Variants in USP25 observed in about 807,000 individuals in gnomAD.
USP25 encodes the protein ubiquitin specific peptidase 25.
In USP25, 85 loss-of-function variants were observed where a neutral mutation model predicts 158.5. The observed-to-expected ratio is 0.54, with a 90% confidence interval of 0.45 to 0.64. The LOEUF (loss-of-function observed/expected upper bound fraction) is 0.64, where lower values mean the gene tolerates loss of function less well. USP25 is among the 30% of genes least tolerant of loss of function. USP25 has a pLI of 0.00. For synonymous variants in USP25, 464 were observed against 460.4 expected (o/e 1.01, Z -0.10); for missense variants, 1,242 against 1,327.3 (o/e 0.94, Z 1.00).
chr21:15,864,102 T>C (rs956019757), intron 20 of USP25, among the ~76,000 whole-genome samples, 166 bp from the exon 21 acceptor site: 1 of 145,716 alleles, frequency 6.9e-6, no homozygotes, highest in African/African-American at 2.5e-5. Flanking sequence ...CTTGAGTCTA[T>C]GGAACATGGG....
intron 17 of USP25, among the ~76,000 whole-genome samples, chr21:15,834,149 A>C (rs553055798): frequency 2.0e-5 from 3 of 152,330 alleles, no homozygotes; most frequent in Admixed American, 1.3e-4. Flanking sequence ...TAAACATATA[A>C]ATATTTAAAA....
chr21:15,842,974 T>G (rs1373197484), intron 18 of USP25, among the ~76,000 whole-genome samples: 4 of 152,118 alleles, frequency 2.6e-5, no homozygotes, highest in African/African-American at 7.2e-5. Flanking sequence ...TACTGTAGAT[T>G]AGAGTATTAT....
chr21:15,782,082 A>G (rs76592107), intron 4 of USP25, among the ~76,000 whole-genome samples: 1 of 152,190 alleles, frequency 6.6e-6, no homozygotes, highest in African/African-American at 2.4e-5. Context: ...TCAAAGGCAC[A>G]ACTGGGGCCC....
intron 5 of USP25, 103 bp from the exon 6 acceptor site, chr21:15,799,654 A>G: frequency 1.6e-6 from 1 of 638,180 alleles, no homozygotes; most frequent in South Asian, 2.8e-5. Context: ...TCTGAGTATA[A>G]GTAGTACACA....
chr21:15,736,313 G>T (rs1443650800), intron 1 of USP25, among the ~76,000 whole-genome samples: 1 of 152,076 alleles, frequency 6.6e-6, no homozygotes, highest in South Asian at 2.1e-4. Context: ...GGCCAGGCTG[G>T]TCTTAAACTC....
At chr21:15,840,427 C>T (rs1223634851) in intron 17 of USP25, among the ~76,000 whole-genome samples, 1 of 151,970 alleles carries the variant, frequency 6.6e-6, no homozygotes, top group Non-Finnish European at 1.5e-5. Context: ...TAATATAGTA[C>T]TGAAAATGGC....
At chr21:15,758,858 C>T (rs544963780) in intron 1 of USP25, among the ~76,000 whole-genome samples, 6 of 152,152 alleles carry the variant, frequency 3.9e-5, no homozygotes, top group Admixed American at 6.5e-5. Context: ...GGGAAAAACC[C>T]GCCCCCATGA....
In USP25 at chr21:15,847,728, T is replaced by G; in HGVS notation, c.2403T>G (p.His801Gln). The G allele has an allele frequency of 1.3e-6, 2 of 1,550,168 alleles. No homozygotes were observed. Among genetic ancestry groups the G allele is most frequent in the East Asian group, 4.9e-5 (2 of 40,894 alleles). The change falls in exon 19 of 26, where the codon CAT becomes CAG. Residue 801 changes from histidine to glutamine, a missense_variant. This residue lies in a region of USP25 where 608 missense variants were observed against 605.2 expected (regional missense o/e 1.00). Transcript: ENST00000400183. The part of the protein sequence containing the change: ...NQRVVEVAIP[H>Q]VGKFMIESKE... ...GAGTTGTAGAGGTGGCGATCCCTCA[T>G]GTAGGGAAATTTATGATTGAATCAA...
chr21:15,832,677 T>A (rs2037860511), intron 16 of USP25, among the ~76,000 whole-genome samples: 1 of 152,138 alleles, frequency 6.6e-6, no homozygotes, highest in African/African-American at 2.4e-5. Flanking sequence ...ATCTGGTATT[T>A]TCCAATAGTG....
At chr21:15,748,420 TA>T (rs2032730715) in intron 1 of USP25, among the ~76,000 whole-genome samples, 1 of 150,646 alleles carries the variant, frequency 6.6e-6, no homozygotes, top group African/African-American at 2.4e-5. Context: ...TAGCTGGGAC[TA>T]CAGGTGTGTA....
chr21:15,753,632 A>G (rs1047240092), intron 1 of USP25, among the ~76,000 whole-genome samples: 2 of 152,112 alleles, frequency 1.3e-5, no homozygotes, highest in African/African-American at 4.8e-5. Context: ...GAATTCTTCA[A>G]TTTAGAAGAA....
chr21:15,832,859 T>TA (rs971252433), intron 16 of USP25, among the ~76,000 whole-genome samples: 8 of 151,886 alleles, frequency 5.3e-5, no homozygotes, highest in African/African-American at 1.9e-4. Flanking sequence ...CTACTAAAAA[T>TA]ACAAAAAAAT....
chr21:15,751,596 T>A (rs2033018580), intron 1 of USP25, among the ~76,000 whole-genome samples: 1 of 152,196 alleles, frequency 6.6e-6, no homozygotes, highest in Admixed American at 6.5e-5. Flanking sequence ...AATACATATT[T>A]TATTTAAACT....
At chr21:15,749,867 G>T (rs1304198914) in intron 1 of USP25, among the ~76,000 whole-genome samples, 1 of 152,176 alleles carries the variant, frequency 6.6e-6, no homozygotes, top group Non-Finnish European at 1.5e-5. Context: ...TCTACACATG[G>T]TTTTATTTGG....
At position 15,833,375 on chromosome 21, in the gene USP25, C is replaced by G. The variant is rs894344457; in HGVS notation, c.2021C>G (p.Pro674Arg). 6.2e-7 allele frequency: 1 copy of G among 1,613,318 alleles called. No homozygotes were observed. Among genetic ancestry groups the G allele is most frequent in the Non-Finnish European group, 8.5e-7 (1 of 1,179,684 alleles). Residue 674 changes from proline to arginine, a missense_variant, in exon 17 of 26, where the codon CCC (proline) becomes CGC (arginine). Physicochemically the swap from Pro to Arg is moderately radical, Grantham distance 103. Coordinates refer to ENST00000400183, the MANE Select transcript of USP25 (RefSeq NM_001283041.3). ...GAGTTTAATAAAGAAACTGGGCAGC[C>G]CCTTGTTGGTATAGAAACATTACCA... ...QEEFNKETGQPLVGIETLPPD... is the reference protein window; with the variant it reads ...QEEFNKETGQRLVGIETLPPD...
intron 4 of USP25, among the ~76,000 whole-genome samples, chr21:15,787,834 G>C (rs1049519321): frequency 6.6e-6 from 1 of 150,416 alleles, no homozygotes; most frequent in Non-Finnish European, 1.5e-5. Context: ...TATGAAGTGG[G>C]ATATTTTCAG....
At position 15,737,755 on chromosome 21, in the gene USP25, A is replaced by G. The variant is rs571759405; in HGVS notation, c.45+7317A>G. On this transcript the variant is annotated intron_variant, in intron 1 of 25. Coordinates refer to ENST00000400183, the MANE Select transcript of USP25 (RefSeq NM_001283041.3). ...TGTATATGGTGCGAGGTAGGGATAC[A>G]GTTTTATTTTCATCATATACAGATT... 3.3e-5 allele frequency among the ~76,000 whole-genome samples: 5 copies of G among 151,276 alleles called. No individual in the cohort carries two copies. In the South Asian group the frequency reaches 1.0e-3, roughly 32 times the overall value.
chr21:15,857,046 G>A (rs1046303203), intron 20 of USP25, among the ~76,000 whole-genome samples: 25 of 152,164 alleles, frequency 1.6e-4, no homozygotes, highest in Non-Finnish European at 3.7e-4. Flanking sequence ...TCTCCTACTA[G>A]CTGTTACCAG....
intron 20 of USP25, among the ~76,000 whole-genome samples, chr21:15,860,681 T>A (rs1051250515): frequency 1.3e-5 from 2 of 152,100 alleles, no homozygotes; most frequent in African/African-American, 4.8e-5. Flanking sequence ...GTAAGTTTTC[T>A]TCATTTCTTG....
Sources: allele counts gnomAD v4.1 joint callset (sites outside exome capture counted in the v4.1 genomes callset), GRCh38; gene constraint gnomAD v4.1.1; regional missense constraint gnomAD v4.1.1; transcripts MANE v1.5; gene names NCBI Gene and HGNC (gene_info 2026-07-23, HGNC 2026-07-21).